The following PIGU variants were observed in gnomAD, a reference collection of about 807,000 sequenced individuals.
PIGU encodes GPI-anchor transamidase component PIGU.
In PIGU, 24 loss-of-function variants were observed where a neutral mutation model predicts 49.9. The ratio of observed to expected loss-of-function variants is 0.48; its 90% confidence interval spans 0.35 to 0.68. The LOEUF (loss-of-function observed/expected upper bound fraction) is 0.68. Ranked by LOEUF, PIGU falls within the 30% of genes least tolerant of loss-of-function variation. The pLI is 0.01. For missense variants in PIGU, 490 were observed against 532.6 expected (o/e 0.92, Z 0.79); for synonymous variants, 220 against 205.7 (o/e 1.07, Z -0.59).
At chr20:34,572,769 T>TCAAGA (rs1983067242) in intron 11 of PIGU, among the ~76,000 whole-genome samples, 1 of 152,128 alleles carries the variant, frequency 6.6e-6, no homozygotes, top group African/African-American at 2.4e-5. Context: ...AAAAATTATC[T>TCAAGA]CAAGACAAAA....
chr20:34,595,167 A>G (rs559692726), intron 7 of PIGU, among the ~76,000 whole-genome samples: 1 of 152,104 alleles, frequency 6.6e-6, no homozygotes, highest in African/African-American at 2.4e-5. Flanking sequence ...GGTGTGTGAA[A>G]GGAATACAGG....
intron 6 of PIGU, among the ~76,000 whole-genome samples, chr20:34,633,510 G>A (rs1330309857): frequency 3.3e-5 from 5 of 151,346 alleles, no homozygotes; most frequent in Non-Finnish European, 7.4e-5. Flanking sequence ...AAACCATGGT[G>A]TAACTACTAC....
At chr20:34,573,682 AGCCAGGGCAACCTTCTG>A (rs1983106071) in intron 11 of PIGU, among the ~76,000 whole-genome samples, 1 of 152,246 alleles carries the variant, frequency 6.6e-6, no homozygotes, top group Non-Finnish European at 1.5e-5. Context: ...AAGGCAGGAG[AGCCAGGGCAACCTTCTG>A]GATTCCTTCA....
chr20:34,573,216 GATGATTTAAAATACATTTTAAA>G (rs1401711036), intron 11 of PIGU, among the ~76,000 whole-genome samples: 1 of 151,816 alleles, frequency 6.6e-6, no homozygotes, highest in Non-Finnish European at 1.5e-5. Flanking sequence ...TGTATTACTT[GATGATTTAAAATACATTTTAAA>G]AAGAGATTAA....
intron 1 of PIGU, among the ~76,000 whole-genome samples, chr20:34,662,706 T>A (rs1359233824): frequency 1.3e-5 from 2 of 152,224 alleles, no homozygotes; most frequent in African/African-American, 4.8e-5. Flanking sequence ...CTTAAACTTT[T>A]ATAAGCATTC....
At chr20:34,665,439 G>A (rs974428137) in intron 1 of PIGU, among the ~76,000 whole-genome samples, 9 of 151,102 alleles carry the variant, frequency 6.0e-5, no homozygotes, top group Non-Finnish European at 1.0e-4. Flanking sequence ...TCCTGACCTC[G>A]TGATCCGCCC....
intron 11 of PIGU, among the ~76,000 whole-genome samples, chr20:34,573,835 C>T (rs1983113834): frequency 1.3e-5 from 2 of 152,264 alleles, no homozygotes; most frequent in South Asian, 4.1e-4. Flanking sequence ...CCCACCCAGG[C>T]TACAAGGCCC....
At chr20:34,633,637 G>A (rs140333114) in intron 6 of PIGU, among the ~76,000 whole-genome samples, 1,798 of 149,652 alleles carry the variant, frequency 0.012, 12 homozygotes, top group Non-Finnish European at 0.019. Context: ...GCGAGATCTC[G>A]GCTCACTGCA....
In PIGU at chr20:34,588,214, T is replaced by C. The variant is rs1329451091; in HGVS notation, c.782+239A>G. Among the ~76,000 whole-genome samples, 3 of 151,630 alleles carry C rather than the reference T, an allele frequency of 2.0e-5. No homozygotes were observed. The East Asian group carries it at 5.8e-4, about 29-fold the overall frequency. On this transcript the variant is annotated intron_variant, in intron 8 of 11. Coordinates refer to ENST00000217446, the MANE Select transcript of PIGU (RefSeq NM_080476.5). ...GTGCAGTGAGCGGAGATGGCCCCAC[T>C]GCACTCCAGACTGGGCAACAGAGCG...
At chr20:34,645,898 A>C (rs1210637234) in intron 2 of PIGU, among the ~76,000 whole-genome samples, 1 of 152,052 alleles carries the variant, frequency 6.6e-6, no homozygotes, top group Non-Finnish European at 1.5e-5. Flanking sequence ...CTCTGTCTCA[A>C]AAAAAATAAA....
chr20:34,676,059 T>A (rs925527954), intron 1 of PIGU, among the ~76,000 whole-genome samples: 12 of 151,810 alleles, frequency 7.9e-5, no homozygotes, highest in Non-Finnish European at 1.8e-4. Flanking sequence ...TGTTTTTTTT[T>A]AATCATCAAA....
Position 34,637,985 on chromosome 20 carries a change from A to G in PIGU, c.319T>C (p.Phe107Leu), listed in dbSNP as rs1986021423. The change falls in exon 5 of 12, where the codon TTT becomes CTT. Residue 107 changes from phenylalanine (F) to leucine (L), a missense_variant and splice_region_variant. Coordinates refer to ENST00000217446, the MANE Select transcript of PIGU (RefSeq NM_080476.5). ...FAIQDFNKVV[F>L]KKQKLLLELD... is the part of the protein sequence containing the mutation. ...TCTAGGAGGAGTTTCTGCTTTTTAA[A>G]CTAGAAAAAAAAAAAAAAGGAAAAG... is the stretch of plus-strand genomic sequence containing the variant. 4 of 1,561,690 alleles carry G rather than the reference A, an allele frequency of 2.6e-6. No individual in the cohort carries two copies. In the South Asian group the frequency reaches 4.8e-5, roughly 19 times the overall value.
In PIGU at chr20:34,637,915, G is replaced by A. The variant is rs778143939; in HGVS notation, c.389C>T (p.Pro130Leu). ...APDVAELIRTPMEMRYIPLKV... is the reference protein window; with the variant it reads ...APDVAELIRTLMEMRYIPLKV... ...CAAAGGGATGTAACGCATTTCCATA[G>A]GGGTCCGGATGAGTTCGGCCACATC... The change falls in exon 5 of 12, where the codon CCT becomes CTT. Residue 130 changes from proline to leucine, a missense_variant. Transcript: ENST00000217446. 1 of 1,610,160 alleles carries A rather than the reference G, an allele frequency of 6.2e-7. No homozygotes were observed. The highest frequency in any genetic ancestry group is 8.5e-7 in the Non-Finnish European group (1 of 1,178,438).
intron 6 of PIGU, among the ~76,000 whole-genome samples, chr20:34,617,147 A>G (rs1418409704): frequency 6.6e-6 from 1 of 152,248 alleles, no homozygotes; most frequent in African/African-American, 2.4e-5. Flanking sequence ...CTGCTAGGGC[A>G]ATGCGGAAGC....
chr20:34,623,573 A>G (rs970152541), intron 6 of PIGU, among the ~76,000 whole-genome samples: 1 of 152,190 alleles, frequency 6.6e-6, no homozygotes, highest in Non-Finnish European at 1.5e-5. Flanking sequence ...TGAGAGCAAT[A>G]GGATTTAAAC....
chr20:34,612,865 C>T (rs574289672), intron 7 of PIGU, among the ~76,000 whole-genome samples: 90 of 152,158 alleles, frequency 5.9e-4, no homozygotes, highest in Admixed American at 2.6e-3. Flanking sequence ...TCAAGTGGTC[C>T]ACTTGCCTCA....
chr20:34,591,431 T>C (rs1983980068), intron 7 of PIGU, among the ~76,000 whole-genome samples: 1 of 152,192 alleles, frequency 6.6e-6, no homozygotes, highest in African/African-American at 2.4e-5. Flanking sequence ...CATACTTATA[T>C]AGAGCAGGGC....
chr20:34,641,505 T>A lies in PIGU; in HGVS notation c.318+2659A>T, dbSNP rs540237222. 3.9e-5 allele frequency among the ~76,000 whole-genome samples: 6 copies of A among 152,310 alleles called. No individual in the cohort carries two copies. The South Asian group carries it at 1.2e-3, about 32-fold the overall frequency. On this transcript the variant is annotated intron_variant, in intron 4 of 11. Transcript: ENST00000217446. Reference sequence around the variant, plus strand: ...CATCTCAGCAAAGGACAGACTAGACTAACATTGTTTTTGTCAAGTGAGATA... The same window carrying A: ...CATCTCAGCAAAGGACAGACTAGACAAACATTGTTTTTGTCAAGTGAGATA...
At position 34,665,282 on chromosome 20, in the gene PIGU, C is replaced by A. The variant is rs537862167; in HGVS notation, c.131-8038G>T. ...GCAGTGGCGCGATCTCGGCTCACTGCAAGCTCCGCCTCCCGGGTTCACGCC... is the reference window on the plus strand; with the variant it reads ...GCAGTGGCGCGATCTCGGCTCACTGAAAGCTCCGCCTCCCGGGTTCACGCC... On this transcript the variant is annotated intron_variant, in intron 1 of 11. Coordinates refer to ENST00000217446, the MANE Select transcript of PIGU (RefSeq NM_080476.5). Among the ~76,000 whole-genome samples, 21 of 142,434 alleles carry A rather than the reference C, an allele frequency of 1.5e-4. No individual in the cohort carries two copies. The South Asian group carries it at 4.9e-3, about 33-fold the overall frequency. The allele number at this position is 142,434 out of a possible 152,430, so 93.4% of individuals were successfully genotyped here.
Sources: gnomAD v4.1 joint callset for allele counts (sites outside exome capture counted in the v4.1 genomes callset) on GRCh38, gnomAD v4.1.1 for gene constraint, MANE v1.5 for transcripts, NCBI Gene and HGNC (gene_info 2026-07-23, HGNC 2026-07-21) for gene names.